Variants in EDIL3 observed in about 807,000 individuals in gnomAD.
EDIL3 encodes the protein EGF-like repeat and discoidin I-like domain-containing protein 3.
A neutral mutation model predicts 67.4 loss-of-function variants in EDIL3; 37 were observed. The observed-to-expected ratio is 0.55, with a 90% confidence interval of 0.42 to 0.72. EDIL3 has a LOEUF of 0.72. EDIL3 is among the 30% of genes least tolerant of loss of function. The pLI is 0.00. For missense variants in EDIL3, 527 were observed against 586.3 expected (o/e 0.90, Z 1.04); for synonymous variants, 195 against 196.3 (o/e 0.99, Z 0.05).
intron 2 of EDIL3, among the ~76,000 whole-genome samples, chr5:84,248,432 T>A (rs2112068846): frequency 6.6e-6 from 1 of 152,286 alleles, no homozygotes; most frequent in South Asian, 2.1e-4. Flanking sequence ...TCTCTGCCTA[T>A]CACTTAAATA....
intron 5 of EDIL3, among the ~76,000 whole-genome samples, chr5:84,133,621 C>T (rs554511739): frequency 1.8e-4 from 27 of 151,552 alleles, no homozygotes; most frequent in Admixed American, 1.6e-3. Flanking sequence ...AGTGAGACTC[C>T]ATCTCAAAAT....
chr5:84,223,771 C>T (rs1044219786), intron 3 of EDIL3, among the ~76,000 whole-genome samples: 1 of 151,290 alleles, frequency 6.6e-6, no homozygotes, highest in Non-Finnish European at 1.5e-5. Context: ...TGTCAGTGCT[C>T]TTACCACACA....
chr5:84,093,658 C>CTTTT (rs374214744), intron 6 of EDIL3, among the ~76,000 whole-genome samples: 2 of 117,814 alleles, frequency 1.7e-5, no homozygotes, highest in Non-Finnish European at 3.4e-5. Flanking sequence ...CAGATGCAGC[C>CTTTT]TTTTTTTTTT....
intron 9 of EDIL3, among the ~76,000 whole-genome samples, chr5:83,988,656 C>T (rs1412488127): frequency 6.6e-6 from 1 of 152,150 alleles, no homozygotes; most frequent in African/African-American, 2.4e-5. Context: ...TGCCCCTGAC[C>T]TCCTTATACA....
chr5:84,060,573 A>G, intron 8 of EDIL3, 89 bp from the exon 9 acceptor site: 1 of 1,371,876 alleles, frequency 7.3e-7, no homozygotes, highest in Non-Finnish European at 1.0e-6. Flanking sequence ...AGAGAAGATT[A>G]AACATAATGC....
At chr5:84,265,086 A>G (rs548769731) in intron 1 of EDIL3, among the ~76,000 whole-genome samples, 2 of 152,334 alleles carry the variant, frequency 1.3e-5, no homozygotes, top group African/African-American at 4.8e-5. Context: ...ACTAGATAAA[A>G]CTGTTATATC....
intron 9 of EDIL3, among the ~76,000 whole-genome samples, chr5:83,964,987 T>C (rs1744665229): frequency 6.6e-6 from 1 of 152,012 alleles, no homozygotes; most frequent in South Asian, 2.1e-4. Context: ...GGATATTAAT[T>C]CCACTTTACA....
At chr5:84,098,493 T>A (rs966165254) in intron 6 of EDIL3, among the ~76,000 whole-genome samples, 1 of 151,968 alleles carries the variant, frequency 6.6e-6, no homozygotes, top group Non-Finnish European at 1.5e-5. Flanking sequence ...TTGATAAAGT[T>A]TTTTCTTCTA....
chr5:84,310,149 T>C (rs1420795715), intron 1 of EDIL3, among the ~76,000 whole-genome samples: 1 of 152,214 alleles, frequency 6.6e-6, no homozygotes, highest in African/African-American at 2.4e-5. Flanking sequence ...AAAGTCATTC[T>C]CTTGACAAAA....
At chr5:84,012,716 C>T (rs1745537695) in intron 9 of EDIL3, among the ~76,000 whole-genome samples, 1 of 152,062 alleles carries the variant, frequency 6.6e-6, no homozygotes, top group Admixed American at 6.6e-5. Flanking sequence ...CACACGTTCT[C>T]AATTTACTAT....
intron 1 of EDIL3, among the ~76,000 whole-genome samples, chr5:84,313,069 G>C (rs1746438554): frequency 6.6e-6 from 1 of 152,018 alleles, no homozygotes; most frequent in African/African-American, 2.4e-5. Flanking sequence ...TTTGTGACAG[G>C]GCCCACAATA....
At chr5:84,374,014 A>T (rs2050465955) in intron 1 of EDIL3, among the ~76,000 whole-genome samples, 1 of 152,172 alleles carries the variant, frequency 6.6e-6, no homozygotes, top group Non-Finnish European at 1.5e-5. Flanking sequence ...AATGATGGAG[A>T]AGAAACAAGG....
chr5:84,235,221 C>T (rs1408056463), intron 2 of EDIL3, among the ~76,000 whole-genome samples: 1 of 152,102 alleles, frequency 6.6e-6, no homozygotes, highest in Non-Finnish European at 1.5e-5. Flanking sequence ...AACTTCTTCC[C>T]TGTGAAAAGT....
At chr5:84,113,103 C>A (rs1259856614) in intron 5 of EDIL3, among the ~76,000 whole-genome samples, 6 of 152,090 alleles carry the variant, frequency 3.9e-5, no homozygotes. Flanking sequence ...TGCCACACAG[C>A]ATTACCAGGT....
At chr5:84,231,684 C>T (rs1744582845) in intron 2 of EDIL3, among the ~76,000 whole-genome samples, 4 of 152,166 alleles carry the variant, frequency 2.6e-5, no homozygotes, top group Admixed American at 2.6e-4. Context: ...AGAGCAAACA[C>T]AGTTGGCATG....
At chr5:84,347,580 A>G (rs1253199197) in intron 1 of EDIL3, among the ~76,000 whole-genome samples, 1 of 152,210 alleles carries the variant, frequency 6.6e-6, no homozygotes, top group Non-Finnish European at 1.5e-5. Context: ...ACAAGTCAGG[A>G]TGAAGATTAA....
At position 84,139,830 on chromosome 5, in the gene EDIL3, T is replaced by C. The variant is rs551524886; in HGVS notation, c.356-2476A>G. Among the ~76,000 whole-genome samples the C allele has an allele frequency of 3.3e-5, 5 of 152,268 alleles. No individual in the cohort carries two copies. The South Asian group carries it at 8.3e-4, about 25-fold the overall frequency. On this transcript the variant is annotated intron_variant, in intron 4 of 10. Coordinates refer to ENST00000296591, the MANE Select transcript of EDIL3 (RefSeq NM_005711.5). ...AATTAAGACTAATAAGGATGTGATATAGATGACAGTCAATTTCCAAGCAGG... is the reference window on the plus strand; with the variant it reads ...AATTAAGACTAATAAGGATGTGATACAGATGACAGTCAATTTCCAAGCAGG...
intron 9 of EDIL3, among the ~76,000 whole-genome samples, chr5:84,054,040 A>G (rs1039858560): frequency 2.1e-4 from 32 of 152,168 alleles, no homozygotes; most frequent in African/African-American, 7.0e-4. Flanking sequence ...CCTGATGAAC[A>G]TCGATGCAAA....
intron 1 of EDIL3, among the ~76,000 whole-genome samples, chr5:84,351,475 G>C (rs1204212833): frequency 2.6e-5 from 4 of 152,116 alleles, no homozygotes; most frequent in Admixed American, 2.6e-4. Flanking sequence ...TAGTTCCTAA[G>C]ATCCTTTCAG....
Sources: gnomAD v4.1 joint callset for allele counts (sites outside exome capture counted in the v4.1 genomes callset) on GRCh38, gnomAD v4.1.1 for gene constraint, MANE v1.5 for transcripts, NCBI Gene and HGNC (gene_info 2026-07-23, HGNC 2026-07-21) for gene names.